INTS8: variants seen among roughly 807,000 people sequenced by gnomAD.
The protein encoded by INTS8 is integrator complex subunit 8.
In INTS8, 47 loss-of-function variants were observed where a neutral mutation model predicts 138.9. That is an observed-to-expected ratio of 0.34 (90% CI 0.27 to 0.43). INTS8 has a LOEUF of 0.43. Ranked by LOEUF, INTS8 falls within the 20% of genes least tolerant of loss-of-function variation. INTS8 has a pLI of 1.00. For missense variants in INTS8, 996 were observed against 1,173.0 expected, an observed-to-expected ratio of 0.85 and a Z score of 2.20; for synonymous variants, 392 against 400.9, an observed-to-expected ratio of 0.98 and a Z score of 0.27.
In INTS8 at chr8:94,853,884, T is replaced by C. The variant is rs756975372; in HGVS notation, c.1721T>C (p.Met574Thr). The change falls in exon 14 of 27, where the codon ATG becomes ACG. Residue 574 changes from methionine to threonine, a missense_variant. Transcript: ENST00000523731. ...ACAAGAGATTTGGTTTATATTCTTA[T>C]GGCCAAAGGTTTGCACTGCAGTACT... Reference protein sequence around the residue: ...NLTRDLVYILMAKGLHCSTVK... With the variant: ...NLTRDLVYILTAKGLHCSTVK... 10 of 1,607,204 alleles carry C rather than the reference T, an allele frequency of 6.2e-6. No homozygotes were observed. The highest frequency in any genetic ancestry group is 5.5e-5 in the South Asian group (5 of 90,916).
chr8:94,870,777 A>AT (rs1816367215), intron 20 of INTS8, among the ~76,000 whole-genome samples: 1 of 152,162 alleles, frequency 6.6e-6, no homozygotes, highest in African/African-American at 2.4e-5. Flanking sequence ...CCTTGTCTAA[A>AT]TTCACCTTGT....
chr8:94,879,715 A>G (rs1014597290), intron 26 of INTS8: 1 of 153,122 alleles, frequency 6.5e-6, no homozygotes, highest in Non-Finnish European at 1.4e-5. Context: ...TGGTTGAGGC[A>G]CTTCTTTCTA....
chr8:94,837,628 G>A (rs1041445093), intron 7 of INTS8, among the ~76,000 whole-genome samples: 9 of 151,622 alleles, frequency 5.9e-5, no homozygotes, highest in Admixed American at 3.3e-4. Flanking sequence ...TATGCTCTTT[G>A]CTCGCTCCTT....
chr8:94,828,941 T>C lies in INTS8; in HGVS notation c.519-34T>C, dbSNP rs776851174. 21 of 1,437,676 alleles carry C rather than the reference T, an allele frequency of 1.5e-5. No homozygotes were observed. In the Middle Eastern group the frequency reaches 5.4e-4, roughly 37 times the overall value. 89.1% of individuals were successfully genotyped at this position (1,437,676 alleles called of 1,614,324 possible). On this transcript the variant is annotated intron_variant, in intron 4 of 26. Coordinates refer to ENST00000523731, the MANE Select transcript of INTS8 (RefSeq NM_017864.4). ...AATTTTTTAGTCTTGAGAGTAACTTTTGATACTTTTGTTTTCAATTGTTTC... is the reference window on the plus strand; with the variant it reads ...AATTTTTTAGTCTTGAGAGTAACTTCTGATACTTTTGTTTTCAATTGTTTC...
chr8:94,861,259 T>TTTTTTTTC (rs1815964660), intron 16 of INTS8, among the ~76,000 whole-genome samples: 1 of 62,552 alleles, frequency 1.6e-5, no homozygotes, highest in East Asian at 5.6e-4. Flanking sequence ...TTTTGTAATT[T>TTTTTTTTC]TTTTTTTTTT....
chr8:94,835,558 T>C (rs1814892757), intron 6 of INTS8, among the ~76,000 whole-genome samples: 1 of 152,094 alleles, frequency 6.6e-6, no homozygotes, highest in African/African-American at 2.4e-5. Context: ...TCTCCTGTGT[T>C]AGAAAATTCC....
intron 10 of INTS8, among the ~76,000 whole-genome samples, chr8:94,848,474 T>C (rs779153934): frequency 6.6e-6 from 1 of 152,194 alleles, no homozygotes; most frequent in Non-Finnish European, 1.5e-5. Flanking sequence ...ATTCATTACC[T>C]GTCACTCTTC....
chr8:94,833,650 ACTC>A (rs1289756584), intron 6 of INTS8, among the ~76,000 whole-genome samples: 5 of 152,110 alleles, frequency 3.3e-5, no homozygotes, highest in Non-Finnish European at 5.9e-5. Context: ...TGAAAACAAA[ACTC>A]CTGTAAAACA....
At chr8:94,846,759 C>T (rs1241990812) in intron 10 of INTS8, among the ~76,000 whole-genome samples, 2 of 152,258 alleles carry the variant, frequency 1.3e-5, no homozygotes, top group Admixed American at 6.5e-5. Context: ...AGGAAGTTCC[C>T]TTCTCTCCTT....
chr8:94,833,076 C>T (rs561612260), intron 6 of INTS8, among the ~76,000 whole-genome samples: 1 of 151,990 alleles, frequency 6.6e-6, no homozygotes, highest in South Asian at 2.1e-4. Flanking sequence ...CAGAGTAGGA[C>T]CTTGAGTAAA....
chr8:94,845,811 C>A (rs1378891118), intron 10 of INTS8, among the ~76,000 whole-genome samples: 2 of 152,156 alleles, frequency 1.3e-5, no homozygotes, highest in African/African-American at 4.8e-5. Context: ...TCAAGTTCCA[C>A]AAATCTGTTG....
chr8:94,835,950 C>G (rs1335380647), intron 6 of INTS8, among the ~76,000 whole-genome samples: 1 of 152,172 alleles, frequency 6.6e-6, no homozygotes, highest in Non-Finnish European at 1.5e-5. Flanking sequence ...CTTTCTCTAG[C>G]CTTATCTGGC....
chr8:94,863,679 G>A lies in INTS8; in HGVS notation c.2077-1827G>A, dbSNP rs143040260. On this transcript the variant is annotated intron_variant, in intron 16 of 26. Transcript: ENST00000523731. The stretch of plus-strand genomic sequence containing the variant: ...AATGTTTGTGGAATTCAATTGATTT[G>A]AGGCCTTAGACTTTGAAAATTTTTT... 2.6e-4 allele frequency among the ~76,000 whole-genome samples: 39 copies of A among 152,286 alleles called. No homozygotes were observed. The East Asian group carries it at 5.6e-3, about 22-fold the overall frequency.
At chr8:94,848,603 CT>C (rs1196027458) in intron 10 of INTS8, among the ~76,000 whole-genome samples, 1 of 152,124 alleles carries the variant, frequency 6.6e-6, no homozygotes, top group Admixed American at 6.6e-5. Flanking sequence ...TTGTAACTGG[CT>C]TCTTAGCACG....
At chr8:94,865,233 T>A (rs1393289769) in intron 16 of INTS8, among the ~76,000 whole-genome samples, 1 of 152,162 alleles carries the variant, frequency 6.6e-6, no homozygotes, top group African/African-American at 2.4e-5. Context: ...CACCTATCTC[T>A]TTGCGTTGTC....
intron 16 of INTS8, among the ~76,000 whole-genome samples, chr8:94,861,842 C>CGCCCG (rs1055986275): frequency 7.3e-5 from 11 of 150,112 alleles, no homozygotes; most frequent in African/African-American, 2.2e-4. Context: ...TGAGCCACCG[C>CGCCCG]GCCCGGCCCG....
chr8:94,877,868 T>C (rs555420177), intron 26 of INTS8, among the ~76,000 whole-genome samples: 109 of 152,310 alleles, frequency 7.2e-4, no homozygotes, highest in African/African-American at 2.5e-3. Flanking sequence ...GACATTTTTT[T>C]CCCAGTCATT....
intron 10 of INTS8, among the ~76,000 whole-genome samples, chr8:94,844,817 A>C (rs1277244068): frequency 2.1e-5 from 3 of 141,418 alleles, no homozygotes; most frequent in African/African-American, 8.0e-5. Flanking sequence ...CAGTGCTGTG[A>C]TCTCAGTTCA....
Position 94,842,356 on chromosome 8 carries a change from T to G in INTS8, c.1128T>G (p.Ala376=), listed in dbSNP as rs1444583418. ...LFKKAQQGNE[A]LDEICFKVCA... is the part of the protein sequence containing the mutation. The stretch of plus-strand genomic sequence containing the variant: ...CTTTTGTATTCTACAGAAATGAAGC[T>G]CTAGATGAAATCTGTTTTAAAGTTT... Residue 376 remains alanine (A), a synonymous_variant, in exon 10 of 27, where the codon GCT becomes GCG. Transcript: ENST00000523731. The G allele has an allele frequency of 1.3e-6, 2 of 1,582,706 alleles. No homozygotes were observed. Among genetic ancestry groups the G allele is most frequent in the Non-Finnish European group, 1.7e-6 (2 of 1,161,116 alleles).
Sources: allele counts gnomAD v4.1 joint callset (sites outside exome capture counted in the v4.1 genomes callset), GRCh38; gene constraint gnomAD v4.1.1; transcripts MANE v1.5; gene names NCBI Gene and HGNC (gene_info 2026-07-23, HGNC 2026-07-21).